SH2D4B: variants seen among roughly 807,000 people sequenced by gnomAD.
SH2D4B encodes the protein SH2 domain containing 4B, also known as SH2 domain-containing protein 4B.
In SH2D4B, 45 loss-of-function variants were observed where a neutral mutation model predicts 61.5. That is an observed-to-expected ratio of 0.73 (90% CI 0.58 to 0.94). The LOEUF is 0.94. Among genes scored for constraint, SH2D4B ranks in the 40% least tolerant of loss-of-function variants. The pLI, the probability that SH2D4B is intolerant of heterozygous loss-of-function variation, is 0.00. For missense variants in SH2D4B, 572 were observed against 574.2 expected, an observed-to-expected ratio of 1.00 and a Z score of 0.04; for synonymous variants, 224 against 220.4, an observed-to-expected ratio of 1.02 and a Z score of -0.14.
intron 4 of SH2D4B, among the ~76,000 whole-genome samples, chr10:80,592,750 G>T: frequency 1.5e-5 from 2 of 132,846 alleles, no homozygotes; most frequent in South Asian, 2.4e-4. Flanking sequence ...GTCTCACTCT[G>T]TCACCCAGGC....
rs1564771955 is a variant in SH2D4B at position 80,572,973 on chromosome 10, TATATATATA to T, written c.495+1396_495+1404del. ...ATATATATATATATATATATATATA[TATATATATA>T]TATATTTTTTTTTTTTTTTTTTTTT... On this transcript the variant is annotated intron_variant, in intron 3 of 7. Transcript: ENST00000646907. Among the ~76,000 whole-genome samples the T allele has an allele frequency of 3.6e-3, 42 of 11,800 alleles. 1 individual carries two copies. Among genetic ancestry groups the T allele is most frequent in the African/African-American group, 8.1e-3 (29 of 3,584 alleles). The allele number at this position is 11,800 out of a possible 152,430, so 7.7% of individuals were successfully genotyped here. A position where few individuals can be genotyped will look rare whatever the true frequency, so the allele number is the denominator to read the frequency against.
chr10:80,554,633 C>A (rs1360121758), intron 1 of SH2D4B, among the ~76,000 whole-genome samples: 1 of 152,096 alleles, frequency 6.6e-6, no homozygotes, highest in Non-Finnish European at 1.5e-5. Context: ...GCTCTTAAGG[C>A]TTTTAACTGC....
At position 80,540,214 on chromosome 10, in the gene SH2D4B, G is replaced by A. The variant is rs117509808; in HGVS notation, c.184+1699G>A. ...GAATGGAAAAGCAGGAAAGCACGCC[G>A]AGGAATGTGTGTATCCCAGGTCAGG... On this transcript the variant is annotated intron_variant, in intron 1 of 7. Coordinates refer to ENST00000646907, the MANE Select transcript of SH2D4B (RefSeq NM_001388272.1). 1.4e-4 allele frequency among the ~76,000 whole-genome samples: 21 copies of A among 152,260 alleles called. No homozygotes were observed. In the East Asian group the frequency reaches 3.7e-3, roughly 27 times the overall value.
intron 1 of SH2D4B, among the ~76,000 whole-genome samples, chr10:80,553,658 G>A (rs1173968942): frequency 6.6e-6 from 1 of 152,134 alleles, no homozygotes; most frequent in Non-Finnish European, 1.5e-5. Context: ...TAGAGGGGGC[G>A]CCATTTCACA....
intron 4 of SH2D4B, among the ~76,000 whole-genome samples, chr10:80,601,840 T>C (rs1289834653): frequency 6.6e-6 from 1 of 152,134 alleles, no homozygotes; most frequent in Non-Finnish European, 1.5e-5. Flanking sequence ...ATGTCTTGAG[T>C]GGCACTGGAG....
At chr10:80,571,622 C>A (rs1197348175) in intron 3 of SH2D4B, 44 bp downstream of exon 3, 3 of 1,607,534 alleles carry the variant, frequency 1.9e-6, no homozygotes, top group African/African-American at 2.7e-5. Context: ...ACCTAATTAG[C>A]CCCTGAGACC....
At chr10:80,545,621 G>A (rs1158238522) in intron 1 of SH2D4B, among the ~76,000 whole-genome samples, 1 of 149,878 alleles carries the variant, frequency 6.7e-6, no homozygotes, top group African/African-American at 2.5e-5. Context: ...GCCTAAAAGT[G>A]CCATGAGTCC....
At chr10:80,619,335 T>C (rs1188874730) in intron 6 of SH2D4B, among the ~76,000 whole-genome samples, 1 of 152,178 alleles carries the variant, frequency 6.6e-6, no homozygotes, top group African/African-American at 2.4e-5. Context: ...CCTGTAACCA[T>C]GGGAGAGAGG....
At position 80,571,687 on chromosome 10, in the gene SH2D4B, G is replaced by A. The variant is rs906806239; in HGVS notation, c.495+109G>A. ...CCTTGGCCATTGGTTGGTACTGGGTGCTTTATGAGAATAGAAATCTGTAAT... is the reference window on the plus strand; with the variant it reads ...CCTTGGCCATTGGTTGGTACTGGGTACTTTATGAGAATAGAAATCTGTAAT... On this transcript the variant is annotated intron_variant, in intron 3 of 7. Coordinates refer to ENST00000646907, the MANE Select transcript of SH2D4B (RefSeq NM_001388272.1). The A allele has an allele frequency of 7.1e-5, 89 of 1,247,844 alleles. 1 individual carries two copies. Among genetic ancestry groups the A allele is most frequent in the South Asian group, 3.6e-4 (24 of 66,434 alleles). 77.3% of individuals were successfully genotyped at this position (1,247,844 alleles called of 1,614,324 possible).
chr10:80,631,356 C>T (rs1842832045), intron 6 of SH2D4B, among the ~76,000 whole-genome samples: 1 of 152,180 alleles, frequency 6.6e-6, no homozygotes, highest in Non-Finnish European at 1.5e-5. Flanking sequence ...TCATGTGATT[C>T]TCTCACCTCA....
chr10:80,543,450 G>A lies in SH2D4B; in HGVS notation c.184+4935G>A, dbSNP rs1157422595. 3.9e-5 allele frequency among the ~76,000 whole-genome samples: 6 copies of A among 152,106 alleles called. No homozygotes were observed. The East Asian group carries it at 5.8e-4, about 15-fold the overall frequency. ...CACCGGGCCTTAGCTGCCTTCCCGC[G>A]GCGCAGGGCTCGGGACCTGCAGCCC... On this transcript the variant is annotated intron_variant, in intron 1 of 7. Coordinates refer to ENST00000646907, the MANE Select transcript of SH2D4B (RefSeq NM_001388272.1).
At chr10:80,604,385 T>C (rs1461509475) in intron 5 of SH2D4B, among the ~76,000 whole-genome samples, 1 of 152,166 alleles carries the variant, frequency 6.6e-6, no homozygotes, top group Non-Finnish European at 1.5e-5. Flanking sequence ...GCAGGGAACC[T>C]CTCTTCTTTC....
intron 3 of SH2D4B, among the ~76,000 whole-genome samples, chr10:80,581,200 A>G (rs1842181507): frequency 6.6e-6 from 1 of 152,134 alleles, no homozygotes; most frequent in Admixed American, 6.5e-5. Context: ...GGTGAAGAAG[A>G]ACTGATTGAA....
At chr10:80,593,952 G>C (rs1842360002) in intron 4 of SH2D4B, among the ~76,000 whole-genome samples, 2 of 152,160 alleles carry the variant, frequency 1.3e-5, no homozygotes, top group Non-Finnish European at 2.9e-5. Flanking sequence ...TGGGACTACA[G>C]ATGCACACCA....
At position 80,602,394 on chromosome 10, in the gene SH2D4B, T is replaced by C. The variant is rs546040665; in HGVS notation, c.644-1185T>C. 3.9e-5 allele frequency among the ~76,000 whole-genome samples: 6 copies of C among 152,242 alleles called. No individual in the cohort carries two copies. In the South Asian group the frequency reaches 1.0e-3, roughly 26 times the overall value. On this transcript the variant is annotated intron_variant, in intron 4 of 7. Transcript: ENST00000646907. ...GGGAGGATTGCTTGAGTCCAGGAGG[T>C]TGAGGTTGCAGTGAGCTGTGATCGC... is the stretch of plus-strand genomic sequence containing the variant.
At chr10:80,587,116 C>G (rs894432944) in intron 3 of SH2D4B, among the ~76,000 whole-genome samples, 1 of 147,868 alleles carries the variant, frequency 6.8e-6, no homozygotes, top group South Asian at 2.1e-4. Context: ...CAAGAACCCA[C>G]CAATTCCGGC....
intron 6 of SH2D4B, among the ~76,000 whole-genome samples, chr10:80,628,261 G>A (rs1471219044): frequency 1.3e-5 from 2 of 151,444 alleles, no homozygotes; most frequent in Non-Finnish European, 2.9e-5. Context: ...GGGACCCAGT[G>A]GGAGGTAATT....
intron 3 of SH2D4B, among the ~76,000 whole-genome samples, chr10:80,587,373 C>G (rs779632579): frequency 1.3e-5 from 2 of 151,842 alleles, no homozygotes; most frequent in Middle Eastern, 3.2e-3. Flanking sequence ...CTCCTCCTTC[C>G]GGTTCAAGCG....
chr10:80,571,933 C>T (rs377209569), intron 3 of SH2D4B, among the ~76,000 whole-genome samples: 6 of 152,012 alleles, frequency 3.9e-5, no homozygotes, highest in African/African-American at 7.2e-5. Context: ...CCACCACACC[C>T]GGCTAAATTT....
Sources: allele counts gnomAD v4.1 joint callset (sites outside exome capture counted in the v4.1 genomes callset), GRCh38; gene constraint gnomAD v4.1.1; transcripts MANE v1.5; gene names NCBI Gene and HGNC (gene_info 2026-07-23, HGNC 2026-07-21).